Variants in SCN11A observed in about 807,000 individuals in gnomAD.
SCN11A encodes the protein sodium channel protein type 11 subunit alpha.
SCN11A carries 122 observed loss-of-function variants against 162.2 expected under a neutral mutation model. The ratio of observed to expected loss-of-function variants is 0.75; its 90% CI spans 0.65 to 0.87. SCN11A has a LOEUF of 0.87. Among genes scored for constraint, SCN11A ranks in the 40% least tolerant of loss-of-function variants. The pLI is 0.00. For synonymous variants in SCN11A, 758 were observed against 751.5 expected (o/e 1.01, Z -0.14); for missense variants, 2,015 against 2,181.6 (o/e 0.92, Z 1.52).
chr3:38,943,143 A>G (rs561861130), intron 7 of SCN11A, among the ~76,000 whole-genome samples: 1 of 152,346 alleles, frequency 6.6e-6, no homozygotes, highest in Non-Finnish European at 1.5e-5. Flanking sequence ...AGAAAAAAAA[A>G]ATGTAGAAAT....
At chr3:38,994,405 T>G (rs893736130) in intron 2 of SCN11A, among the ~76,000 whole-genome samples, 1 of 152,178 alleles carries the variant, frequency 6.6e-6, no homozygotes. Context: ...TTTAGGACAT[T>G]TCTAGGGTAC....
rs769121698 is a variant in SCN11A, at chr3:38,920,390, G to A, written c.893-389C>T. On this transcript the variant is annotated intron_variant, in intron 10 of 29. Transcript: ENST00000302328. Reference sequence around the variant, plus strand: ...GGTCAACCTCAGCATGGAGAGGGTGGGCACTGAAAGAAGTGTTGTTGGCCG... The same window carrying A: ...GGTCAACCTCAGCATGGAGAGGGTGAGCACTGAAAGAAGTGTTGTTGGCCG... Among the ~76,000 whole-genome samples, 33 of 152,162 alleles carry A rather than the reference G, an allele frequency of 2.2e-4. 1 individual carries two copies. The Middle Eastern group carries it at 0.01, about 47-fold the overall frequency.
intron 3 of SCN11A, among the ~76,000 whole-genome samples, chr3:38,955,267 A>AG (rs2066667858): frequency 6.6e-6 from 1 of 152,246 alleles, no homozygotes; most frequent in African/African-American, 2.4e-5. Flanking sequence ...AGCTTGGGCC[A>AG]CAGAATGAGA....
intron 28 of SCN11A, among the ~76,000 whole-genome samples, chr3:38,854,837 C>A (rs1232660446): frequency 6.6e-6 from 1 of 152,220 alleles, no homozygotes; most frequent in Non-Finnish European, 1.5e-5. Context: ...CTTGAAGGTA[C>A]TCCCAGTCTC....
At chr3:38,937,311 G>A (rs2125564629) in intron 7 of SCN11A, among the ~76,000 whole-genome samples, 1 of 150,644 alleles carries the variant, frequency 6.6e-6, no homozygotes, top group Admixed American at 6.6e-5. Flanking sequence ...CATAGGCATG[G>A]GCAAGGACTT....
intron 2 of SCN11A, among the ~76,000 whole-genome samples, chr3:39,012,562 G>C (rs1011010640): frequency 1.3e-4 from 20 of 148,914 alleles, no homozygotes; most frequent in Non-Finnish European, 2.8e-4. Flanking sequence ...CTCACTGAAG[G>C]CTCCACCTCC....
At chr3:38,957,194 T>TA (rs1301227653) in intron 3 of SCN11A, among the ~76,000 whole-genome samples, 1 of 151,224 alleles carries the variant, frequency 6.6e-6, no homozygotes, top group Non-Finnish European at 1.5e-5. Flanking sequence ...AAATAAAACT[T>TA]AAAAAAAAAT....
chr3:38,950,177 C>A lies in SCN11A; in HGVS notation c.186G>T (p.Leu62Phe). The A allele has an allele frequency of 6.2e-7, 1 of 1,612,610 alleles. No individual in the cohort carries two copies. The highest frequency in any genetic ancestry group is 1.7e-5 in the Admixed American group (1 of 59,656). ...GAGGAATGTCGCCATAGAGCTTGGG[C>A]AACTTCCTGGAGGCCTTTAGGTCAA... ...PQLDLKASRK[L>F]PKLYGDIPRE... is the part of the protein sequence containing the mutation. Residue 62 changes from leucine (L) to phenylalanine (F), a missense_variant, in exon 5 of 30, where the codon TTG becomes TTT. Physicochemically the swap from Leu to Phe is conservative, Grantham distance 22. Transcript: ENST00000302328.
At chr3:39,045,548 G>A (rs996800942) in intron 1 of SCN11A, among the ~76,000 whole-genome samples, 3 of 152,020 alleles carry the variant, frequency 2.0e-5, no homozygotes, top group Non-Finnish European at 2.9e-5. Flanking sequence ...AAAACCAAAC[G>A]ATCATCTTAA....
intron 2 of SCN11A, among the ~76,000 whole-genome samples, chr3:38,980,058 G>C (rs2029971949): frequency 6.6e-6 from 1 of 152,148 alleles, no homozygotes; most frequent in Non-Finnish European, 1.5e-5. Context: ...ACCAGGCCCA[G>C]GGGACCAGGC....
rs1316807837 is a variant in SCN11A at position 38,985,339 on chromosome 3, C to T, written c.-279-24916G>A. On this transcript the variant is annotated intron_variant, in intron 2 of 29. Coordinates refer to ENST00000302328, the MANE Select transcript of SCN11A (RefSeq NM_001349253.2). ...TAGAGACGGGGTTTCACCGTGTTAG[C>T]CAGGATGGTCTCGATCTCCTGACCT... Among the ~76,000 whole-genome samples the T allele has an allele frequency of 4.0e-5, 6 of 150,332 alleles. 1 individual carries two copies. Among genetic ancestry groups the T allele is most frequent in the African/African-American group, 1.3e-4 (5 of 39,906 alleles).
chr3:38,886,478 T>C lies in SCN11A; in HGVS notation c.2836-240A>G, dbSNP rs148830077. Among the ~76,000 whole-genome samples the C allele has an allele frequency of 2.6e-5, 4 of 152,292 alleles. No individual in the cohort carries two copies. In the East Asian group the frequency reaches 7.7e-4, roughly 29 times the overall value. On this transcript the variant is annotated intron_variant, in intron 19 of 29. Transcript: ENST00000302328. Reference sequence around the variant, plus strand: ...AAGATACATAATCAAAACAGTATGGTTCTGGTACAAAACTCCGCAAGTAAT... The same window carrying C: ...AAGATACATAATCAAAACAGTATGGCTCTGGTACAAAACTCCGCAAGTAAT...
At position 39,004,889 on chromosome 3, in the gene SCN11A, T is replaced by C. The variant is rs149995268; in HGVS notation, c.-280+27491A>G. Among the ~76,000 whole-genome samples, 546 of 152,334 alleles carry C rather than the reference T, an allele frequency of 3.6e-3. 9 individuals are homozygous for C. The highest frequency in any genetic ancestry group is 0.013 in the African/African-American group (523 of 41,564). ...CAGGACAAGCTGCAGACAAAACCTC[T>C]GAGACACCGAATTGTAGAAGGAAGG... On this transcript the variant is annotated intron_variant, in intron 2 of 29. Transcript: ENST00000302328.
chr3:38,954,619 A>T (rs998824827), intron 3 of SCN11A, among the ~76,000 whole-genome samples: 1 of 152,100 alleles, frequency 6.6e-6, no homozygotes, highest in Non-Finnish European at 1.5e-5. Context: ...AAAATTTGTT[A>T]TAGATGATAA....
intron 2 of SCN11A, among the ~76,000 whole-genome samples, chr3:38,977,082 C>A (rs1158954171): frequency 1.3e-5 from 2 of 152,194 alleles, no homozygotes; most frequent in African/African-American, 4.8e-5. Context: ...CTTAATCAGA[C>A]CTCCTACCAT....
At chr3:39,028,755 G>A (rs1190640169) in intron 2 of SCN11A, among the ~76,000 whole-genome samples, 3 of 152,160 alleles carry the variant, frequency 2.0e-5, no homozygotes, top group Non-Finnish European at 4.4e-5. Flanking sequence ...GTGGCCTTGT[G>A]TTATAACAAT....
chr3:39,033,610 T>C (rs17038352), intron 1 of SCN11A, among the ~76,000 whole-genome samples: 4 of 152,282 alleles, frequency 2.6e-5, no homozygotes, highest in South Asian at 2.1e-4. Context: ...GTGTGTAAGA[T>C]TGACTTGAGA....
At chr3:38,907,736 T>C (rs571201642) in intron 14 of SCN11A, among the ~76,000 whole-genome samples, 4 of 152,140 alleles carry the variant, frequency 2.6e-5, no homozygotes, top group Admixed American at 1.3e-4. Context: ...CCTATCCCAG[T>C]GCCAAGAAGA....
chr3:38,946,771 G>T lies in SCN11A; in HGVS notation c.386+18C>A, dbSNP rs372839256. On this transcript the variant is annotated intron_variant, in intron 6 of 29. Coordinates refer to ENST00000302328, the MANE Select transcript of SCN11A (RefSeq NM_001349253.2). ...TTCAAATGATCTGGACTTAGTAAAA[G>T]GTGCAATGAAAGGATATGAATGGAC... 5.5e-5 allele frequency: 82 copies of T among 1,485,930 alleles called. No homozygotes were observed. The highest frequency in any genetic ancestry group is 6.8e-5 in the Non-Finnish European group (73 of 1,068,740). The allele number at this position is 1,485,930 out of a possible 1,614,324, so 92.0% of individuals were successfully genotyped here. A position where few individuals can be genotyped will look rare whatever the true frequency, so the allele number is the denominator to read the frequency against.
Sources: allele counts gnomAD v4.1 joint callset (sites outside exome capture counted in the v4.1 genomes callset), GRCh38; gene constraint gnomAD v4.1.1; transcripts MANE v1.5; gene names NCBI Gene and HGNC (gene_info 2026-07-23, HGNC 2026-07-21).